SLC6A6: variants seen among roughly 807,000 people sequenced by gnomAD.
SLC6A6 encodes sodium- and chloride-dependent taurine transporter.
In SLC6A6, 16 loss-of-function variants were observed where a neutral mutation model predicts 68.8. That is an observed-to-expected ratio of 0.23 (90% CI 0.16 to 0.35). SLC6A6 has a LOEUF of 0.35. Among genes scored for constraint, SLC6A6 ranks in the 10% least tolerant of loss-of-function variants. SLC6A6 has a pLI of 1.00. For missense variants in SLC6A6, 474 were observed against 802.8 expected, an observed-to-expected ratio of 0.59 and a Z score of 4.95; for synonymous variants, 312 against 315.4, an observed-to-expected ratio of 0.99 and a Z score of 0.12.
chr3:14,448,967 G>T (rs75894685), intron 5 of SLC6A6, among the ~76,000 whole-genome samples: 6,041 of 152,328 alleles, frequency 0.04, 138 homozygotes, highest in South Asian at 0.1. Context: ...AGGGGCAGGG[G>T]TGCTGTTAAG....
At chr3:14,404,785 A>G (rs1374539423) in intron 1 of SLC6A6, among the ~76,000 whole-genome samples, 1 of 152,244 alleles carries the variant, frequency 6.6e-6, no homozygotes, top group African/African-American at 2.4e-5. Context: ...GCTGCTGATT[A>G]GAGGGTGTCA....
chr3:14,481,608 C>A lies in SLC6A6; in HGVS notation c.1552-63C>A. 1 of 1,183,630 alleles carries A rather than the reference C, an allele frequency of 8.4e-7. No homozygotes were observed. The highest frequency in any genetic ancestry group is 1.5e-5 in the African/African-American group (1 of 66,438). 73.3% of individuals were successfully genotyped at this position (1,183,630 alleles called of 1,614,324 possible). On this transcript the variant is annotated intron_variant, in intron 13 of 14. Transcript: ENST00000622186. This position sits in a 1 kb window ranked among gnomAD's most constrained non-coding sequence, Gnocchi z 4.7. ...CCTCAGGTTGAGGCCAGTCCTAGTC[C>A]CAGAAGCCCCCCACCCCCCGATGCC...
At chr3:14,478,663 A>T in intron 12 of SLC6A6, 95 bp downstream of exon 12, 1 of 817,076 alleles carries the variant, frequency 1.2e-6, no homozygotes, top group Non-Finnish European at 2.1e-6. Flanking sequence ...CAGAAATTCA[A>T]TTTGAGTTGA....
intron 1 of SLC6A6, among the ~76,000 whole-genome samples, chr3:14,403,439 G>A (rs1699033757): frequency 6.6e-6 from 1 of 152,154 alleles, no homozygotes; most frequent in Non-Finnish European, 1.5e-5. Context: ...GTGTCTCCAG[G>A]TCCCTGGTTG....
intron 1 of SLC6A6, among the ~76,000 whole-genome samples, chr3:14,403,967 G>C (rs762288937): frequency 6.6e-6 from 1 of 152,178 alleles, no homozygotes; most frequent in Non-Finnish European, 1.5e-5. Flanking sequence ...GCATCCCCAG[G>C]ACCAGCCCCA....
intron 3 of SLC6A6, 173 bp downstream of exon 3, chr3:14,444,036 G>A: frequency 3.4e-6 from 2 of 596,612 alleles, no homozygotes. Flanking sequence ...TAGAGACAGG[G>A]GATAAGCCCG....
chr3:14,409,765 G>C (rs1229276634), intron 1 of SLC6A6, among the ~76,000 whole-genome samples: 1 of 152,240 alleles, frequency 6.6e-6, no homozygotes, highest in Non-Finnish European at 1.5e-5. Context: ...GCAGCCCCAG[G>C]CTGTGGAGTG....
chr3:14,429,722 A>T (rs776783381), intron 2 of SLC6A6, among the ~76,000 whole-genome samples: 64 of 152,198 alleles, frequency 4.2e-4, no homozygotes, highest in Non-Finnish European at 1.8e-4. Flanking sequence ...GGGCCCAGGC[A>T]TCTGCATTTT....
At chr3:14,439,408 C>T (rs1230354366) in intron 2 of SLC6A6, among the ~76,000 whole-genome samples, 3 of 152,190 alleles carry the variant, frequency 2.0e-5, no homozygotes, top group Admixed American at 6.5e-5. Context: ...ATCGCTGGCA[C>T]GGGGCTGCAC....
intron 1 of SLC6A6, among the ~76,000 whole-genome samples, chr3:14,415,463 TC>T (rs141301222): frequency 2.2e-4 from 34 of 152,254 alleles, no homozygotes; most frequent in African/African-American, 7.9e-4. Context: ...CTGTCTGCTC[TC>T]CCAGACCCAC....
intron 1 of SLC6A6, among the ~76,000 whole-genome samples, chr3:14,414,018 AAAT>A (rs1699310214): frequency 6.6e-6 from 1 of 152,144 alleles, no homozygotes; most frequent in Non-Finnish European, 1.5e-5. Context: ...CTGACATTAA[AAAT>A]AAAAAAGAAC....
chr3:14,453,555 CAATT>C (rs1208084492), intron 5 of SLC6A6, among the ~76,000 whole-genome samples: 2 of 152,228 alleles, frequency 1.3e-5, no homozygotes, highest in African/African-American at 2.4e-5. Flanking sequence ...TTAATTTACT[CAATT>C]AATGTCAGCT....
chr3:14,458,204 G>A, intron 6 of SLC6A6, 122 bp downstream of exon 6: 2 of 861,492 alleles, frequency 2.3e-6, no homozygotes, highest in Non-Finnish European at 3.9e-6. Flanking sequence ...GTGGCGTGCT[G>A]GTAAGCCCGC....
chr3:14,462,610 G>C (rs1217913131), intron 6 of SLC6A6, among the ~76,000 whole-genome samples: 4 of 152,052 alleles, frequency 2.6e-5, no homozygotes, highest in Admixed American at 1.3e-4. Flanking sequence ...GAGGTAGGAG[G>C]ATCTCTTAGG....
chr3:14,447,914 C>T lies in SLC6A6; in HGVS notation c.599+98C>T, dbSNP rs1700166832. The T allele has an allele frequency of 2.0e-5, 31 of 1,532,750 alleles. No individual in the cohort carries two copies. In the South Asian group the frequency reaches 3.4e-4, roughly 17 times the overall value. The allele number at this position is 1,532,750 out of a possible 1,614,324, so 94.9% of individuals were successfully genotyped here. On this transcript the variant is annotated intron_variant, in intron 5 of 14. Coordinates refer to ENST00000622186, the MANE Select transcript of SLC6A6 (RefSeq NM_003043.6). ...TCCCCTGGGATACAGGAGCCACTGT[C>T]TTCGGGGGAGTGGGAGGAGGGTGCA...
intron 1 of SLC6A6, among the ~76,000 whole-genome samples, chr3:14,403,121 TGTGG>T (rs1699026450): frequency 8.2e-6 from 1 of 122,496 alleles, no homozygotes; most frequent in African/African-American, 3.1e-5. Context: ...TGTGTGTGTG[TGTGG>T]CATATCTGTG....
intron 7 of SLC6A6, among the ~76,000 whole-genome samples, chr3:14,467,248 C>A (rs1006273306): frequency 5.2e-4 from 79 of 152,202 alleles, no homozygotes; most frequent in African/African-American, 1.8e-3. Flanking sequence ...CCCCACCACC[C>A]TTCCCCCTGG....
At chr3:14,408,492 G>C (rs1699160068) in intron 1 of SLC6A6, among the ~76,000 whole-genome samples, 1 of 152,016 alleles carries the variant, frequency 6.6e-6, no homozygotes, top group South Asian at 2.1e-4. Flanking sequence ...GTGCCATTAT[G>C]CCTGGCTAAT....
At chr3:14,418,935 C>A (rs1002609291) in intron 2 of SLC6A6, among the ~76,000 whole-genome samples, 8 of 152,190 alleles carry the variant, frequency 5.3e-5, no homozygotes, top group African/African-American at 1.9e-4. Context: ...TGGGCCCAGC[C>A]CCTTCCCCTT....
Sources: gnomAD v4.1 joint callset for allele counts (sites outside exome capture counted in the v4.1 genomes callset) on GRCh38, gnomAD v4.1.1 for gene constraint, Gnocchi (gnomAD v3.1) non-coding constraint, MANE v1.5 for transcripts, NCBI Gene and HGNC (gene_info 2026-07-23, HGNC 2026-07-21) for gene names.